PLEKHG1: variants seen among roughly 807,000 people sequenced by gnomAD.
PLEKHG1 encodes pleckstrin homology and RhoGEF domain containing G1.
A neutral mutation model predicts 100.8 loss-of-function variants in PLEKHG1; 44 were observed. The ratio of observed to expected loss-of-function variants is 0.44; its 90% CI spans 0.34 to 0.56. The LOEUF is 0.56. Ranked by LOEUF, PLEKHG1 falls within the 20% of genes least tolerant of loss-of-function variation. The pLI is 0.01. For synonymous variants in PLEKHG1, 640 were observed against 662.5 expected, an observed-to-expected ratio of 0.97 and a Z score of 0.52; for missense variants, 1,545 against 1,720.9, an observed-to-expected ratio of 0.90 and a Z score of 1.81.
At chr6:150,776,123 G>C (rs564689061) in intron 3 of PLEKHG1, among the ~76,000 whole-genome samples, 1 of 152,264 alleles carries the variant, frequency 6.6e-6, no homozygotes, top group East Asian at 1.9e-4. Flanking sequence ...CTTCACATGG[G>C]ATATGTTCTG....
At chr6:150,797,937 T>G (rs563656684) in intron 5 of PLEKHG1, among the ~76,000 whole-genome samples, 11 of 147,604 alleles carry the variant, frequency 7.5e-5, no homozygotes, top group Non-Finnish European at 1.6e-4. Flanking sequence ...GGAGGACCCC[T>G]GCTTTCCCCA....
At chr6:150,800,817 C>T (rs771096527) in exon 6 of PLEKHG1, 2 of 1,614,008 alleles carry the variant, frequency 1.2e-6, no homozygotes, top group Admixed American at 1.7e-5. Flanking sequence ...CCTCTGGGGT[C>T]CTATCTCTTG....
intron 1 of PLEKHG1, among the ~76,000 whole-genome samples, chr6:150,723,038 A>G (rs1215949641): frequency 6.6e-6 from 1 of 152,160 alleles, no homozygotes; most frequent in Non-Finnish European, 1.5e-5. Context: ...CATTCGTAGG[A>G]TGTAGAAGAA....
At chr6:150,601,829 C>T (rs1185705278) in intron 1 of PLEKHG1, among the ~76,000 whole-genome samples, 1 of 152,182 alleles carries the variant, frequency 6.6e-6, no homozygotes, top group East Asian at 1.9e-4. Flanking sequence ...CGATTCTGCT[C>T]GTCCTTGGTG....
At chr6:150,781,140 G>T (rs1250576641) in intron 3 of PLEKHG1, among the ~76,000 whole-genome samples, 1 of 150,776 alleles carries the variant, frequency 6.6e-6, no homozygotes, top group Non-Finnish European at 1.5e-5. Flanking sequence ...CTCCCAAAGT[G>T]CTGGGATTAC....
chr6:150,611,254 T>G (rs1394151012), intron 1 of PLEKHG1, among the ~76,000 whole-genome samples: 1 of 152,260 alleles, frequency 6.6e-6, no homozygotes, highest in Admixed American at 6.5e-5. Context: ...ACTTCTGGTT[T>G]ACCAGCTTAG....
intron 14 of PLEKHG1, among the ~76,000 whole-genome samples, chr6:150,829,957 G>A (rs981605381): frequency 7.2e-5 from 11 of 152,118 alleles, no homozygotes; most frequent in Non-Finnish European, 1.3e-4. Context: ...GTCTCAAATA[G>A]AACAGATAGC....
chr6:150,765,778 G>A (rs935079721), intron 2 of PLEKHG1, among the ~76,000 whole-genome samples: 2 of 152,144 alleles, frequency 1.3e-5, no homozygotes, highest in African/African-American at 2.4e-5. Context: ...TACTAGAAAA[G>A]TTAGAAGAAG....
At chr6:150,809,315 G>A (rs762103119) in intron 8 of PLEKHG1, 28 bp downstream of exon 9, 1 of 1,611,554 alleles carries the variant, frequency 6.2e-7, no homozygotes, top group Non-Finnish European at 8.5e-7. Flanking sequence ...CCATGGGCAG[G>A]GACTCAGATC....
At chr6:150,841,266 G>A (rs1777521280) in exon 16 of PLEKHG1, 1 of 301,972 alleles carries the variant, frequency 3.3e-6, no homozygotes, top group African/African-American at 2.2e-5. Context: ...TTTATCCTGT[G>A]ACTCAAAGGC....
intron 2 of PLEKHG1, among the ~76,000 whole-genome samples, chr6:150,760,112 C>G (rs1012981569): frequency 7.2e-5 from 11 of 152,054 alleles, no homozygotes; most frequent in African/African-American, 2.2e-4. Context: ...ATTAAAAACC[C>G]TTTGGGCTTT....
chr6:150,737,513 C>T (rs372310756), intron 2 of PLEKHG1, among the ~76,000 whole-genome samples: 11 of 151,940 alleles, frequency 7.2e-5, no homozygotes, highest in Admixed American at 6.6e-4. Flanking sequence ...AGGATGGTCT[C>T]GATCTCCTGA....
chr6:150,821,133 A>T, intron 12 of PLEKHG1, 62 bp from the exon 14 acceptor site: 1 of 1,320,110 alleles, frequency 7.6e-7, no homozygotes, highest in Non-Finnish European at 1.1e-6. Context: ...CCTCTTATAA[A>T]GAATAAAGAA....
chr6:150,759,099 T>G (rs1784011814), intron 2 of PLEKHG1, among the ~76,000 whole-genome samples: 1 of 152,078 alleles, frequency 6.6e-6, no homozygotes, highest in Non-Finnish European at 1.5e-5. Flanking sequence ...TGGCCCACCG[T>G]GTGGTGGCTG....
At chr6:150,731,948 TGG>T (rs1319196408) in intron 1 of PLEKHG1, among the ~76,000 whole-genome samples, 1 of 144,768 alleles carries the variant, frequency 6.9e-6, no homozygotes, top group African/African-American at 2.6e-5. Flanking sequence ...TTAAATGCTG[TGG>T]GTATTAAGTG....
intron 3 of PLEKHG1, chr6:150,663,037 A>C (rs1012652705): frequency 4.6e-5 from 7 of 151,770 alleles, no homozygotes; most frequent in African/African-American, 9.7e-5. Context: ...TTGACATGAA[A>C]TGCTGACCTG....
chr6:150,729,906 C>A (rs1179994817), intron 1 of PLEKHG1, among the ~76,000 whole-genome samples: 1 of 152,098 alleles, frequency 6.6e-6, no homozygotes, highest in Non-Finnish European at 1.5e-5. Context: ...TCCACTCTTT[C>A]CCACCTTTGA....
intron 2 of PLEKHG1, among the ~76,000 whole-genome samples, chr6:150,645,055 A>G (rs1778435691): frequency 6.6e-6 from 1 of 152,220 alleles, no homozygotes; most frequent in Non-Finnish European, 1.5e-5. Context: ...AAACACATAG[A>G]AGGATTTAGC....
At chr6:150,803,697 G>A (rs1474563622) in intron 6 of PLEKHG1, among the ~76,000 whole-genome samples, 1 of 152,076 alleles carries the variant, frequency 6.6e-6, no homozygotes, top group Non-Finnish European at 1.5e-5. Context: ...AACTTCATTT[G>A]GCCTTTAAAA....
Sources: gnomAD v4.1 joint callset for allele counts (sites outside exome capture counted in the v4.1 genomes callset) on GRCh38, gnomAD v4.1.1 for gene constraint, MANE v1.5 for transcripts, NCBI Gene and HGNC (gene_info 2026-07-23, HGNC 2026-07-21) for gene names.